MRPL40: variants seen among roughly 807,000 people sequenced by gnomAD.
MRPL40 encodes the protein large ribosomal subunit protein mL40.
A neutral mutation model predicts 24.5 loss-of-function variants in MRPL40; 18 were observed. The ratio of observed to expected loss-of-function variants is 0.73; its 90% CI spans 0.51 to 1.09. The LOEUF (loss-of-function observed/expected upper bound fraction) is 1.09, where lower values mean the gene tolerates loss of function less well. Ranked by LOEUF, MRPL40 falls within the 50% of genes least tolerant of loss-of-function variation. The pLI, the probability that MRPL40 is intolerant of heterozygous loss-of-function variation, is 0.00. For synonymous variants in MRPL40, 108 were observed against 94.6 expected, an observed-to-expected ratio of 1.14 and a Z score of -0.82; for missense variants, 256 against 243.8, an observed-to-expected ratio of 1.05 and a Z score of -0.33.
Position 19,434,897 on chromosome 22 carries a change from A to T in MRPL40, c.296+3A>T, listed in dbSNP as rs1274708365. The stretch of plus-strand genomic sequence containing the variant: ...CTAAAGTTCTTGGATAAAGCAAGGT[A>T]AGGATCCTTCTCTAGGGATGAAGTC... On this transcript the variant is annotated splice_donor_region_variant and intron_variant, in intron 3 of 3. Coordinates refer to ENST00000333130, the MANE Select transcript of MRPL40 (RefSeq NM_003776.4). 1.3e-6 allele frequency: 2 copies of T among 1,585,384 alleles called. No individual in the cohort carries two copies.
Position 19,433,306 on chromosome 22 carries a change from A to C in MRPL40, c.95A>C (p.Gln32Pro), listed in dbSNP as rs1235808535. The C allele has an allele frequency of 6.2e-7, 1 of 1,613,354 alleles. No homozygotes were observed. Among genetic ancestry groups the C allele is most frequent in the Admixed American group, 1.7e-5 (1 of 60,012 alleles). ...TWQTQLRETHQRASLLSFWEL... is the reference protein window; with the variant it reads ...TWQTQLRETHPRASLLSFWEL... ...CAGACGCAGCTTAGAGAGACTCACC[A>C]GCGAGCGTCATTGTTGTCTTTCTGG... is the stretch of plus-strand genomic sequence containing the variant. The change falls in exon 2 of 4, where the codon CAG becomes CCG. Residue 32 changes from glutamine (Q) to proline (P), a missense_variant. By Grantham distance (76) the Gln-to-Pro change is moderately conservative. Coordinates refer to ENST00000333130, the MANE Select transcript of MRPL40 (RefSeq NM_003776.4).
At chr22:19,433,213 C>T in intron 1 of MRPL40, 52 bp from the exon 2 acceptor site, 1 of 1,328,880 alleles carries the variant, frequency 7.5e-7, no homozygotes, top group Non-Finnish European at 1.1e-6. Flanking sequence ...ACGTGAGCAA[C>T]CGCGCCTAGC....
rs1229976972 is a variant in MRPL40, at chr22:19,433,340, T to C, written c.129T>C (p.Ile43=). ...CATTGTTGTCTTTCTGGGAACTCAT[T>C]CCCATGAGGTAAAACTCAATCGAGG... ...RASLLSFWEL[I]PMRSEPLRKK... is the part of the protein sequence containing the mutation. Residue 43 remains isoleucine (I), a synonymous_variant, in exon 2 of 4, where the codon ATT becomes ATC. Coordinates refer to ENST00000333130, the MANE Select transcript of MRPL40 (RefSeq NM_003776.4). 5 of 1,605,982 alleles carry C rather than the reference T, an allele frequency of 3.1e-6. No individual in the cohort carries two copies. Among genetic ancestry groups the C allele is most frequent in the Non-Finnish European group, 4.3e-6 (5 of 1,172,814 alleles).
intron 2 of MRPL40, 47 bp downstream of exon 2, chr22:19,433,395 C>A: frequency 8.6e-7 from 1 of 1,165,336 alleles, no homozygotes; most frequent in Non-Finnish European, 1.3e-6. Context: ...AGGTGTCAGT[C>A]TATGTGTAGA....
At chr22:19,432,895 A>AT (rs1211821003) in intron 1 of MRPL40, 2 of 1,282,464 alleles carry the variant, frequency 1.6e-6, no homozygotes, top group Admixed American at 3.8e-5. Flanking sequence ...GAGCATTGCA[A>AT]TTTTTTATTT....
In MRPL40 at chr22:19,432,586, T is replaced by C. The variant is rs1128399; in HGVS notation, c.32T>C (p.Leu11Pro). 128,587 of 1,553,688 alleles carry C rather than the reference T, an allele frequency of 0.083. 5,663 individuals are homozygous for C. Among genetic ancestry groups the C allele is most frequent in the Middle Eastern group, 0.12 (683 of 5,932 alleles). The change falls in exon 1 of 4, where the codon CTA becomes CCA. Residue 11 changes from leucine (L) to proline (P), a missense_variant. Physicochemically the swap from Leu to Pro is moderately conservative, Grantham distance 98 (BLOSUM62 -3). Coordinates refer to ENST00000333130, the MANE Select transcript of MRPL40 (RefSeq NM_003776.4). The stretch of plus-strand genomic sequence containing the variant: ...GCCTCCGTGCTGCGAAGTATCTCGC[T>C]AGCCCTGCGCCCGACTAGCGGGTGA... MTASVLRSISLALRPTSGLLG... is the reference protein window; with the variant it reads MTASVLRSISPALRPTSGLLG...
rs1303367461 is a variant in MRPL40 at position 19,434,900 on chromosome 22, G to A, written c.296+6G>A. On this transcript the variant is annotated splice_donor_region_variant and intron_variant, in intron 3 of 3. Coordinates refer to ENST00000333130, the MANE Select transcript of MRPL40 (RefSeq NM_003776.4). ...AAGTTCTTGGATAAAGCAAGGTAAG[G>A]ATCCTTCTCTAGGGATGAAGTCCTC... 6.3e-7 allele frequency: 1 copy of A among 1,582,998 alleles called. No individual in the cohort carries two copies. The highest frequency in any genetic ancestry group is 1.4e-5 in the African/African-American group (1 of 72,748).
At chr22:19,432,985 A>G (rs1297987790) in intron 1 of MRPL40, 2 of 838,750 alleles carry the variant, frequency 2.4e-6, no homozygotes, top group Non-Finnish European at 3.3e-6. Context: ...GCTGGAGTGC[A>G]GTGGCGCGAT....
At chr22:19,434,985 T>A in intron 3 of MRPL40, 91 bp downstream of exon 3, 1 of 1,168,974 alleles carries the variant, frequency 8.6e-7, no homozygotes, top group Non-Finnish European at 1.2e-6. Flanking sequence ...CCTGTGATAG[T>A]CATTGGTCAG....
At chr22:19,435,537 T>A in intron 3 of MRPL40, 101 bp from the exon 4 acceptor site, 1 of 1,113,562 alleles carries the variant, frequency 9.0e-7, no homozygotes, top group Non-Finnish European at 1.3e-6. Flanking sequence ...ACTTGTTTTA[T>A]CTCCTAAGTC....
chr22:19,432,642 C>A lies in MRPL40; in HGVS notation c.53+35C>A, dbSNP rs191684628. ...GACGCTGGCCGGATAGCGGAGTGCC[C>A]AGGGCGCGTGCGGGGTCTTCGCGAC... On this transcript the variant is annotated intron_variant, in intron 1 of 3. Coordinates refer to ENST00000333130, the MANE Select transcript of MRPL40 (RefSeq NM_003776.4). 2.1e-4 allele frequency: 315 copies of A among 1,532,834 alleles called. 2 individuals are homozygous for A. The African/African-American group carries it at 4.0e-3, about 19-fold the overall frequency. The allele number at this position is 1,532,834 out of a possible 1,614,324, so 95.0% of individuals were successfully genotyped here.
Position 19,432,569 on chromosome 22 carries a change from G to T in MRPL40, c.15G>T (p.Val5=). 2.6e-6 allele frequency: 4 copies of T among 1,552,440 alleles called. No individual in the cohort carries two copies. In the South Asian group the frequency reaches 4.8e-5, roughly 18 times the overall value. MTAS[V]LRSISLALRP... ...CGAGGGTAGCCATGACGGCCTCCGT[G>T]CTGCGAAGTATCTCGCTAGCCCTGC... Residue 5 remains valine (V), a synonymous_variant, in exon 1 of 4, where the codon GTG becomes GTT. Transcript: ENST00000333130.
At chr22:19,434,702 G>A (rs2089575287) in intron 2 of MRPL40, 34 bp from the exon 3 acceptor site, 1 of 1,547,098 alleles carries the variant, frequency 6.5e-7, no homozygotes, top group African/African-American at 1.4e-5. Flanking sequence ...TGAGACCAAA[G>A]AGGAAAATGT....
intron 1 of MRPL40, 21 bp downstream of exon 1, chr22:19,432,628 G>T: frequency 6.5e-7 from 1 of 1,546,030 alleles, no homozygotes; most frequent in Non-Finnish European, 8.7e-7. Flanking sequence ...ACGCTGGCCG[G>T]ATAGCGGAGT....
chr22:19,433,236 A>ATATT (rs772317841), intron 1 of MRPL40, 29 bp from the exon 2 acceptor site: 2 of 1,514,516 alleles, frequency 1.3e-6, no homozygotes, highest in Admixed American at 3.3e-5. Context: ...GGAGAAGCAG[A>ATATT]TATTTATACA....
chr22:19,434,100 AATCTAAC>A (rs2089570123), intron 2 of MRPL40, among the ~76,000 whole-genome samples: 1 of 145,880 alleles, frequency 6.9e-6, no homozygotes. Flanking sequence ...ATAAGCTTCT[AATCTAAC>A]AGTTTGGTAT....
chr22:19,436,070 T>TACAGGA lies in MRPL40; in HGVS notation c.*108_*109insACAGGA. The TACAGGA allele has an allele frequency of 2.0e-6, 2 of 996,664 alleles. No individual in the cohort carries two copies. Among genetic ancestry groups the TACAGGA allele is most frequent in the Admixed American group, 5.5e-5 (2 of 36,686 alleles). The allele number at this position is 996,664 out of a possible 1,614,324, so 61.7% of individuals were successfully genotyped here. A position where few individuals can be genotyped will look rare whatever the true frequency, so the allele number is the denominator to read the frequency against. On this transcript the variant is annotated 3_prime_UTR_variant, in exon 4 of 4. Coordinates refer to ENST00000333130, the MANE Select transcript of MRPL40 (RefSeq NM_003776.4). ...ATGCTGTTAATAAATACTGGTTTAATCAAAATGCTCCTTTGTCTTGTGTTA... is the reference window on the plus strand; with the variant it reads ...ATGCTGTTAATAAATACTGGTTTAATACAGGACAAAATGCTCCTTTGTCTTGTGTTA...
intron 2 of MRPL40, among the ~76,000 whole-genome samples, chr22:19,434,096 TTCTAA>T (rs201689639): frequency 0.016 from 2,364 of 150,828 alleles, 37 homozygotes; most frequent in South Asian, 0.026. Flanking sequence ...AGTAATAAGC[TTCTAA>T]TCTAACAGTT....
At chr22:19,434,690 C>A in intron 2 of MRPL40, 46 bp from the exon 3 acceptor site, 1 of 1,496,148 alleles carries the variant, frequency 6.7e-7, no homozygotes, top group Non-Finnish European at 9.0e-7. Context: ...TCAGTAGGTT[C>A]ATGAGACCAA....
Sources: allele counts gnomAD v4.1 joint callset (sites outside exome capture counted in the v4.1 genomes callset), GRCh38; gene constraint gnomAD v4.1.1; transcripts MANE v1.5; gene names NCBI Gene and HGNC (gene_info 2026-07-23, HGNC 2026-07-21).